PCNX1: variants seen among roughly 807,000 people sequenced by gnomAD.
PCNX1 encodes the protein pecanex 1.
Under a neutral mutation model 242.2 loss-of-function variants are expected in PCNX1, and 78 were observed. The ratio of observed to expected loss-of-function variants is 0.32; its 90% CI spans 0.27 to 0.39. PCNX1 has a LOEUF of 0.39. PCNX1 is among the 10% of genes least tolerant of loss of function. The pLI is 1.00. For synonymous variants in PCNX1, 1,024 were observed against 1,032.9 expected (o/e 0.99, Z 0.17); for missense variants, 2,581 against 2,856.5 (o/e 0.90, Z 2.20).
At chr14:71,026,673 TTA>T (rs2060251646) in intron 14 of PCNX1, 97 bp from the exon 15 acceptor site, 3 of 513,174 alleles carry the variant, frequency 5.8e-6, no homozygotes, top group Non-Finnish European at 3.4e-6. Context: ...GCTTAGTAGT[TTA>T]TGTTAATTTG....
intron 19 of PCNX1, 75 bp from the exon 20 acceptor site, chr14:71,045,058 G>T: frequency 9.3e-7 from 1 of 1,071,876 alleles, no homozygotes. Flanking sequence ...ATGGAAAATT[G>T]AACTGACAAA....
chr14:71,042,618 A>G (rs1048450102), intron 19 of PCNX1, among the ~76,000 whole-genome samples: 2 of 152,096 alleles, frequency 1.3e-5, no homozygotes, highest in African/African-American at 2.4e-5. Context: ...AAAAAAAAAA[A>G]AATTTAAGCA....
At chr14:71,077,088 T>G (rs1380726196) in intron 28 of PCNX1, among the ~76,000 whole-genome samples, 2 of 152,126 alleles carry the variant, frequency 1.3e-5, no homozygotes, top group Non-Finnish European at 2.9e-5. Context: ...CTGATCTAGG[T>G]CTAGGCTGGG....
At chr14:71,038,989 G>A (rs1436191028) in intron 19 of PCNX1, among the ~76,000 whole-genome samples, 22 of 151,204 alleles carry the variant, frequency 1.5e-4, no homozygotes, top group African/African-American at 5.1e-4. Context: ...ACCAAACACC[G>A]CATATTCTCA....
intron 16 of PCNX1, chr14:71,032,013 G>A: frequency 1.1e-6 from 1 of 948,086 alleles, no homozygotes; most frequent in Non-Finnish European, 1.7e-6. Flanking sequence ...TCAAGACACG[G>A]ACACACACAA....
intron 12 of PCNX1, among the ~76,000 whole-genome samples, 187 bp downstream of exon 12, chr14:71,019,349 C>A (rs999677926): frequency 3.9e-5 from 6 of 152,136 alleles, no homozygotes; most frequent in Non-Finnish European, 5.9e-5. Flanking sequence ...TGTAAATTAG[C>A]ACTTCCTAAA....
intron 26 of PCNX1, among the ~76,000 whole-genome samples, chr14:71,060,256 G>C (rs1402181348): frequency 6.6e-6 from 1 of 151,918 alleles, no homozygotes; most frequent in Non-Finnish European, 1.5e-5. Flanking sequence ...TATGCTACTG[G>C]TCATGTAAAA....
At chr14:70,992,501 T>C (rs2059195931) in intron 7 of PCNX1, among the ~76,000 whole-genome samples, 1 of 152,172 alleles carries the variant, frequency 6.6e-6, no homozygotes, top group South Asian at 2.1e-4. Flanking sequence ...AATAATGTAA[T>C]CATACTCTTA....
intron 20 of PCNX1, among the ~76,000 whole-genome samples, chr14:71,046,603 T>C (rs989714846): frequency 6.6e-6 from 1 of 152,124 alleles, no homozygotes; most frequent in Non-Finnish European, 1.5e-5. Flanking sequence ...AAAGCTGCTC[T>C]TAAGTATGTG....
At chr14:70,949,466 A>C (rs1265425202) in intron 2 of PCNX1, among the ~76,000 whole-genome samples, 1 of 151,840 alleles carries the variant, frequency 6.6e-6, no homozygotes, top group African/African-American at 2.4e-5. Flanking sequence ...ACACATACGC[A>C]TGTGTATATA....
intron 19 of PCNX1, among the ~76,000 whole-genome samples, chr14:71,037,964 G>T (rs1357336902): frequency 9.7e-6 from 1 of 103,578 alleles, no homozygotes; most frequent in Non-Finnish European, 2.0e-5. Context: ...AGAAAAACAA[G>T]CAATGGGGAA....
intron 28 of PCNX1, among the ~76,000 whole-genome samples, chr14:71,080,473 A>G (rs957802076): frequency 3.3e-5 from 5 of 152,196 alleles, no homozygotes; most frequent in Admixed American, 6.5e-5. Context: ...TAGTATGGCC[A>G]TTTTCACAAT....
chr14:71,036,453 C>T (rs1264894093), intron 19 of PCNX1, among the ~76,000 whole-genome samples: 9 of 152,176 alleles, frequency 5.9e-5, no homozygotes, highest in Admixed American at 5.9e-4. Flanking sequence ...GCTAGAATTA[C>T]AGATGTGAGC....
intron 6 of PCNX1, among the ~76,000 whole-genome samples, chr14:70,979,568 T>G (rs1292933361): frequency 6.6e-6 from 1 of 152,096 alleles, no homozygotes; most frequent in Admixed American, 6.5e-5. Flanking sequence ...CCTCTACCCC[T>G]ATTCCCTTTA....
chr14:70,980,016 A>G (rs571387339), intron 6 of PCNX1, among the ~76,000 whole-genome samples: 1 of 151,628 alleles, frequency 6.6e-6, no homozygotes, highest in Admixed American at 6.6e-5. Context: ...TTTCTCACAC[A>G]AATCATATCA....
At chr14:71,039,124 A>G (rs1347802813) in intron 19 of PCNX1, among the ~76,000 whole-genome samples, 2 of 152,074 alleles carry the variant, frequency 1.3e-5, no homozygotes, top group African/African-American at 4.8e-5. Context: ...CTAATGCTAG[A>G]TGACGAGTTA....
rs1326733896 is a variant in PCNX1, at chr14:70,908,011, TG to T, written c.153+13del. On this transcript the variant is annotated intron_variant, in intron 1 of 35. Coordinates refer to ENST00000304743, the MANE Select transcript of PCNX1 (RefSeq NM_014982.3). ...CCCTTCACCCTCTACATGGTGAGTG[TG>T]GGGGCGGGGAGCGGGTGGCTCCTTC... is the stretch of plus-strand genomic sequence containing the variant. The T allele has an allele frequency of 2.6e-6, 4 of 1,561,522 alleles. No homozygotes were observed. The highest frequency in any genetic ancestry group is 1.9e-5 in the Admixed American group (1 of 52,260).
At chr14:71,059,410 G>T (rs369583908) in intron 26 of PCNX1, among the ~76,000 whole-genome samples, 1 of 151,808 alleles carries the variant, frequency 6.6e-6, no homozygotes, top group African/African-American at 2.4e-5. Flanking sequence ...AGAGACAGGG[G>T]TCTCGCTCTG....
In PCNX1 at chr14:71,109,911, A is replaced by G; in HGVS notation, c.7002A>G (p.Val2334=). ...DKYVTVIETG[V]LELGAEV is the part of the protein sequence containing the mutation. ...ATGTGACTGTAATTGAAACTGGGGT[A>G]CTAGAACTTGGGGCTGAAGTGTGAG... is the stretch of plus-strand genomic sequence containing the variant. Residue 2334 remains valine, a synonymous_variant, in exon 36 of 36, where the codon GTA becomes GTG. Coordinates refer to ENST00000304743, the MANE Select transcript of PCNX1 (RefSeq NM_014982.3). 6.2e-7 allele frequency: 1 copy of G among 1,613,360 alleles called. No individual in the cohort carries two copies. The highest frequency in any genetic ancestry group is 1.1e-5 in the South Asian group (1 of 91,072).
Sources: allele counts gnomAD v4.1 joint callset (sites outside exome capture counted in the v4.1 genomes callset), GRCh38; gene constraint gnomAD v4.1.1; transcripts MANE v1.5; gene names NCBI Gene and HGNC (gene_info 2026-07-23, HGNC 2026-07-21).